TENM3: variants seen among roughly 807,000 people sequenced by gnomAD.
TENM3 encodes the protein teneurin-3.
In TENM3, 63 loss-of-function variants were observed where a neutral mutation model predicts 255.1. The observed-to-expected ratio is 0.25, with a 90% CI of 0.20 to 0.30. The LOEUF (loss-of-function observed/expected upper bound fraction) is 0.30, where lower values mean the gene tolerates loss of function less well. Ranked by LOEUF, TENM3 falls within the 10% of genes least tolerant of loss-of-function variation. The pLI is 1.00. For missense variants in TENM3, 2,929 were observed against 3,461.1 expected, an observed-to-expected ratio of 0.85 and a Z score of 3.86; for synonymous variants, 1,306 against 1,322.3, an observed-to-expected ratio of 0.99 and a Z score of 0.27.
At chr4:182,530,665 T>C (rs1372788091) in intron 3 of TENM3, among the ~76,000 whole-genome samples, 1 of 152,172 alleles carries the variant, frequency 6.6e-6, no homozygotes, top group Non-Finnish European at 1.5e-5. Flanking sequence ...CGTTTTCTAA[T>C]GTCCCCGGGG....
intron 1 of TENM3, among the ~76,000 whole-genome samples, chr4:182,269,588 C>A (rs970227359): frequency 2.0e-5 from 3 of 151,934 alleles, no homozygotes; most frequent in Non-Finnish European, 4.4e-5. Context: ...CTGGCTGCCT[C>A]CCTGCTTGAC....
chr4:182,196,011 G>A (rs1388593651), intron 1 of TENM3, among the ~76,000 whole-genome samples: 1 of 152,162 alleles, frequency 6.6e-6, no homozygotes, highest in Non-Finnish European at 1.5e-5. Flanking sequence ...AACTGCCCTA[G>A]AAAGAGAACT....
Position 182,792,731 on chromosome 4 carries a change from G to A in TENM3, c.6059G>A (p.Ser2020Asn). Reference protein sequence around the residue: ...DGMVNARFDYSYDNSFRVTSM... With the variant: ...DGMVNARFDYNYDNSFRVTSM... Reference sequence around the variant, plus strand: ...ATGGTAAATGCAAGATTTGACTATAGCTATGACAACAGCTTTCGAGTGACC... The same window carrying A: ...ATGGTAAATGCAAGATTTGACTATAACTATGACAACAGCTTTCGAGTGACC... The change falls in exon 26 of 28, where the codon AGC becomes AAC. Residue 2020 changes from serine to asparagine, a missense_variant. Physicochemically the swap from Ser to Asn is conservative, Grantham distance 46. Coordinates refer to ENST00000511685, the MANE Select transcript of TENM3 (RefSeq NM_001080477.4). This position sits in a 1 kb window ranked among gnomAD's most constrained non-coding sequence, Gnocchi z 6.3. 1 of 1,613,918 alleles carries A rather than the reference G, an allele frequency of 6.2e-7. No individual in the cohort carries two copies. The highest frequency in any genetic ancestry group is 1.1e-5 in the South Asian group (1 of 91,084).
the TENM3 span, among the ~76,000 whole-genome samples, chr4:182,025,745 T>C: frequency 6.6e-6 from 1 of 152,210 alleles, no homozygotes; most frequent in South Asian, 2.1e-4. Flanking sequence ...TATCTCATTT[T>C]AGTTTTGATC....
At chr4:181,717,460 A>G in the TENM3 span, among the ~76,000 whole-genome samples, 1 of 152,338 alleles carries the variant, frequency 6.6e-6, no homozygotes, top group East Asian at 1.9e-4. Flanking sequence ...GCTGATAGGC[A>G]CTGTAAGTAA....
At chr4:181,677,219 G>A in the TENM3 span, among the ~76,000 whole-genome samples, 1 of 151,994 alleles carries the variant, frequency 6.6e-6, no homozygotes, top group Non-Finnish European at 1.5e-5. Flanking sequence ...GACGTCTGAT[G>A]TTCTCACTCA....
chr4:182,250,122 G>C (rs780331241), intron 1 of TENM3, among the ~76,000 whole-genome samples: 2 of 149,366 alleles, frequency 1.3e-5, no homozygotes, highest in Non-Finnish European at 3.0e-5. Context: ...GTGCGATCTG[G>C]GCTCACTGCA....
the TENM3 span, among the ~76,000 whole-genome samples, chr4:181,549,718 G>C: frequency 1.2e-4 from 19 of 152,218 alleles, no homozygotes; most frequent in African/African-American, 4.3e-4. Flanking sequence ...TTCCTCCACT[G>C]GATCCCCACG....
chr4:181,775,675 C>T, the TENM3 span, among the ~76,000 whole-genome samples: 11 of 152,144 alleles, frequency 7.2e-5, no homozygotes, highest in African/African-American at 2.7e-4. Flanking sequence ...ACCAATAAAT[C>T]CTGGTTTAGA....
the TENM3 span, among the ~76,000 whole-genome samples, chr4:181,708,598 C>T: frequency 6.6e-6 from 1 of 150,586 alleles, no homozygotes; most frequent in African/African-American, 2.4e-5. Context: ...AGTCCTAAAA[C>T]CAACACTCTA....
the TENM3 span, among the ~76,000 whole-genome samples, chr4:181,832,595 A>T: frequency 1.3e-5 from 2 of 152,318 alleles, no homozygotes; most frequent in South Asian, 4.1e-4. Flanking sequence ...GCTAGGAAGT[A>T]TCTACCGTCT....
chr4:182,688,290 G>T lies in TENM3; in HGVS notation c.2160G>T (p.Gly720=). Residue 720 remains glycine, a synonymous_variant, in exon 12 of 28, where the codon GGG becomes GGT. Transcript: ENST00000511685. The part of the protein sequence containing the change: ...RACHPRCAEH[G]TCKDGKCECS... ...GCCACCCCCGCTGTGCCGAGCACGGGACCTGCAAGGATGGCAAGTGTGAAT... is the reference window on the plus strand; with the variant it reads ...GCCACCCCCGCTGTGCCGAGCACGGTACCTGCAAGGATGGCAAGTGTGAAT... 2 of 1,613,936 alleles carry T rather than the reference G, an allele frequency of 1.2e-6. No homozygotes were observed. Among genetic ancestry groups the T allele is most frequent in the Non-Finnish European group, 8.5e-7 (1 of 1,179,850 alleles).
the TENM3 span, among the ~76,000 whole-genome samples, chr4:181,500,391 G>A: frequency 7.5e-4 from 114 of 151,850 alleles, 1 homozygote; most frequent in Non-Finnish European, 1.3e-3. Flanking sequence ...CCGGGGGATC[G>A]GGGGTGGGGG....
chr4:181,973,795 G>T, the TENM3 span, among the ~76,000 whole-genome samples: 22 of 152,126 alleles, frequency 1.4e-4, no homozygotes, highest in Non-Finnish European at 2.6e-4. Flanking sequence ...GTAGAATACA[G>T]TCAATGGAGC....
At chr4:181,660,335 C>T in the TENM3 span, among the ~76,000 whole-genome samples, 5 of 152,056 alleles carry the variant, frequency 3.3e-5, no homozygotes, top group African/African-American at 4.8e-5. Flanking sequence ...TAATCTTCAG[C>T]GAAATGGTAA....
intron 4 of TENM3, among the ~76,000 whole-genome samples, chr4:182,602,081 A>C (rs1225359753): frequency 6.6e-6 from 1 of 152,230 alleles, no homozygotes; most frequent in East Asian, 1.9e-4. Context: ...TGGCATATAA[A>C]ATTTCGCCTT....
the TENM3 span, among the ~76,000 whole-genome samples, chr4:182,111,862 T>A: frequency 6.6e-6 from 1 of 152,194 alleles, no homozygotes; most frequent in Non-Finnish European, 1.5e-5. Context: ...GAGTTAACAT[T>A]TAATTCAGCT....
chr4:182,565,156 G>A (rs1743650548), intron 3 of TENM3, among the ~76,000 whole-genome samples: 1 of 152,142 alleles, frequency 6.6e-6, no homozygotes, highest in African/African-American at 2.4e-5. Context: ...CGTCTTAATG[G>A]AACAGGGTTG....
At chr4:182,499,736 G>C (rs547496719) in intron 3 of TENM3, among the ~76,000 whole-genome samples, 1 of 152,130 alleles carries the variant, frequency 6.6e-6, no homozygotes, top group Non-Finnish European at 1.5e-5. Flanking sequence ...ACTGATGACA[G>C]AATATGAAGT....
Sources: gnomAD v4.1 joint callset for allele counts (sites outside exome capture counted in the v4.1 genomes callset) on GRCh38, gnomAD v4.1.1 for gene constraint, Gnocchi (gnomAD v3.1) non-coding constraint, MANE v1.5 for transcripts, NCBI Gene and HGNC (gene_info 2026-07-23, HGNC 2026-07-21) for gene names.